The following TAS2R1 variants were observed in gnomAD, a reference collection of about 807,000 sequenced individuals.
TAS2R1 encodes the protein taste receptor type 2 member 1.
For synonymous variants in TAS2R1, 141 were observed against 134.2 expected (o/e 1.05, Z -0.35); for missense variants, 370 against 353.4 (o/e 1.05, Z -0.38).
At chr5:9,631,791 A>G (rs1408138759), upstream of TAS2R1, among the ~76,000 whole-genome samples, 1 of 152,218 alleles carries the variant, frequency 6.6e-6, no homozygotes, top group Non-Finnish European at 1.5e-5. Flanking sequence ...CGTGAGAGTA[A>G]ATCTGTAGGT....
intron 1 of TAS2R1, among the ~76,000 whole-genome samples, chr5:9,674,761 C>A (rs1414158850): frequency 2.6e-5 from 4 of 151,962 alleles, no homozygotes; most frequent in Non-Finnish European, 5.9e-5. Flanking sequence ...TTTCACATAA[C>A]CCAGAAATTC....
At chr5:9,874,208 G>C in the TAS2R1 span, among the ~76,000 whole-genome samples, 4 of 151,998 alleles carry the variant, frequency 2.6e-5, no homozygotes, top group African/African-American at 7.3e-5. Context: ...TTCCTGGCTT[G>C]GTGGCAGAAA....
At chr5:9,817,291 T>C in the TAS2R1 span, among the ~76,000 whole-genome samples, 2 of 152,234 alleles carry the variant, frequency 1.3e-5, no homozygotes, top group Non-Finnish European at 2.9e-5. Context: ...TAGATTTTAT[T>C]TTCTATTTTG....
intron 1 of TAS2R1, among the ~76,000 whole-genome samples, chr5:9,678,052 T>C (rs964606360): frequency 6.6e-6 from 1 of 151,894 alleles, no homozygotes; most frequent in Non-Finnish European, 1.5e-5. Flanking sequence ...AAGTCTAATA[T>C]ACAGAATTTA....
chr5:9,895,792 A>G, the TAS2R1 span, among the ~76,000 whole-genome samples: 1 of 152,322 alleles, frequency 6.6e-6, no homozygotes, highest in African/African-American at 2.4e-5. Context: ...CTTTCCACTG[A>G]AATTATAATT....
chr5:9,642,145 T>C (rs921095736), intron 2 of TAS2R1, among the ~76,000 whole-genome samples: 3 of 152,200 alleles, frequency 2.0e-5, no homozygotes, highest in African/African-American at 4.8e-5. Context: ...TGCAGTTAGA[T>C]TGACGTTGGA....
At chr5:9,855,729 C>A in the TAS2R1 span, among the ~76,000 whole-genome samples, 20 of 152,202 alleles carry the variant, frequency 1.3e-4, no homozygotes, top group Non-Finnish European at 2.9e-4. Flanking sequence ...GGTGACTGAG[C>A]CCTGCTTCTG....
chr5:9,717,289 T>G (rs1246471930), upstream of TAS2R1, among the ~76,000 whole-genome samples: 1 of 152,074 alleles, frequency 6.6e-6, no homozygotes, highest in East Asian at 1.9e-4. Flanking sequence ...GATCTGATGT[T>G]CCTTGGAGAT....
the TAS2R1 span, among the ~76,000 whole-genome samples, chr5:9,810,523 G>A: frequency 1.3e-5 from 2 of 152,154 alleles, no homozygotes. Flanking sequence ...CTGGCTCTGA[G>A]TTTAATGGGC....
chr5:9,725,396 A>G, the TAS2R1 span, among the ~76,000 whole-genome samples: 9 of 152,232 alleles, frequency 5.9e-5, no homozygotes, highest in African/African-American at 2.2e-4. Flanking sequence ...CAGGCCCCGC[A>G]CTTGGAGCAG....
At chr5:9,734,657 A>C in the TAS2R1 span, among the ~76,000 whole-genome samples, 3 of 152,092 alleles carry the variant, frequency 2.0e-5, no homozygotes, top group Non-Finnish European at 4.4e-5. Flanking sequence ...TAGCATACAA[A>C]CCCCCTACAA....
At chr5:9,739,263 A>G in the TAS2R1 span, among the ~76,000 whole-genome samples, 1 of 152,274 alleles carries the variant, frequency 6.6e-6, no homozygotes, top group South Asian at 2.1e-4. Context: ...AGCTTCTCAT[A>G]GTGAAGGTGA....
At chr5:9,830,932 T>C in the TAS2R1 span, among the ~76,000 whole-genome samples, 1 of 152,192 alleles carries the variant, frequency 6.6e-6, no homozygotes, top group East Asian at 1.9e-4. Flanking sequence ...ACTCAGAGGC[T>C]TTAGTCTTTC....
At chr5:9,633,289 G>A (rs2521559), upstream of TAS2R1, among the ~76,000 whole-genome samples, 5,318 of 59,236 alleles carry the variant, frequency 0.09, 708 homozygotes, top group East Asian at 0.43. Context: ...GTGTGTGTGT[G>A]TATATTATAT....
At chr5:9,860,957 A>G in the TAS2R1 span, among the ~76,000 whole-genome samples, 1 of 149,156 alleles carries the variant, frequency 6.7e-6, no homozygotes, top group African/African-American at 2.5e-5. Context: ...GGTCACCTGA[A>G]AGTAAGGGCC....
At chr5:9,711,506 T>C (rs899511239) in intron 1 of TAS2R1, among the ~76,000 whole-genome samples, 1 of 152,116 alleles carries the variant, frequency 6.6e-6, no homozygotes, top group Non-Finnish European at 1.5e-5. Flanking sequence ...TGCCAGGGGC[T>C]GGTGGGAGGT....
chr5:9,873,219 G>A, the TAS2R1 span, among the ~76,000 whole-genome samples: 402 of 152,204 alleles, frequency 2.6e-3, 4 homozygotes, highest in Middle Eastern at 6.8e-3. Flanking sequence ...GTCCACTGAC[G>A]TCCTCCCCTG....
intron 1 of TAS2R1, chr5:9,660,045 CT>C (rs1740498575): frequency 6.7e-6 from 1 of 150,072 alleles, no homozygotes; most frequent in Non-Finnish European, 1.5e-5. Context: ...ATGGAAAATC[CT>C]GAAATATTTC....
the TAS2R1 span, among the ~76,000 whole-genome samples, chr5:9,869,814 CATGAGT>C: frequency 2.0e-4 from 30 of 152,304 alleles, no homozygotes; most frequent in South Asian, 6.0e-3. Flanking sequence ...AAATCATAGC[CATGAGT>C]ATGACTATAT....
Sources: allele counts gnomAD v4.1 joint callset (sites outside exome capture counted in the v4.1 genomes callset), GRCh38; gene constraint gnomAD v4.1.1; transcripts MANE v1.5; gene names NCBI Gene and HGNC (gene_info 2026-07-23, HGNC 2026-07-21).